DIAPH2: variants seen among roughly 807,000 people sequenced by gnomAD.
DIAPH2 encodes the protein diaphanous related formin 2, also known as protein diaphanous homolog 2.
In DIAPH2, 35 loss-of-function variants were observed where a neutral mutation model predicts 92.7. The ratio of observed to expected loss-of-function variants is 0.38; its 90% CI spans 0.29 to 0.50. The LOEUF (loss-of-function observed/expected upper bound fraction) is 0.50. Among genes scored for constraint, DIAPH2 ranks in the 20% least tolerant of loss-of-function variants. The pLI is 0.94. For synonymous variants in DIAPH2, 301 were observed against 280.4 expected, an observed-to-expected ratio of 1.07 and a Z score of -0.73; for missense variants, 701 against 819.5, an observed-to-expected ratio of 0.86 and a Z score of 1.77.
intron 17 of DIAPH2, among the ~76,000 whole-genome samples, chrX:97,038,280 T>C (rs148317629): frequency 0.021 from 2,310 of 111,554 alleles, 57 homozygotes; most frequent in African/African-American, 0.07. Context: ...GGCACTTAGG[T>C]TGGTTACATA....
intron 26 of DIAPH2, among the ~76,000 whole-genome samples, chrX:97,515,178 A>G (rs776532251): frequency 1.2e-3 from 129 of 111,782 alleles, no homozygotes; most frequent in African/African-American, 3.6e-3. Flanking sequence ...TGGGCGTAGG[A>G]CCCTCCGAGC....
chrX:97,494,925 G>A (rs758481118), intron 26 of DIAPH2, among the ~76,000 whole-genome samples: 63 of 112,472 alleles, frequency 5.6e-4, no homozygotes, highest in Middle Eastern at 4.6e-3. Context: ...GCTCACCACA[G>A]TAAGCTGCCT....
intron 26 of DIAPH2, among the ~76,000 whole-genome samples, chrX:97,476,968 A>ATATATATAT (rs1374547099): frequency 3.0e-5 from 1 of 33,600 alleles, no homozygotes; most frequent in African/African-American, 1.1e-4. Context: ...AAAAAAAAAA[A>ATATATATAT]ATATATATAT....
chrX:96,962,394 CATAT>C (rs1411701352), intron 16 of DIAPH2, among the ~76,000 whole-genome samples: 1 of 55,610 alleles, frequency 1.8e-5, no homozygotes, highest in Non-Finnish European at 3.1e-5. Flanking sequence ...TATATATACA[CATAT>C]ATATACACAT....
At chrX:97,551,534 G>A (rs1438338951) in intron 26 of DIAPH2, among the ~76,000 whole-genome samples, 5 of 107,755 alleles carry the variant, frequency 4.6e-5, no homozygotes, top group African/African-American at 1.7e-4. Context: ...AGGTTGTAGT[G>A]AGCCGAGATC....
intron 22 of DIAPH2, among the ~76,000 whole-genome samples, chrX:97,244,219 C>G (rs1294475389): frequency 9.0e-6 from 1 of 111,690 alleles, no homozygotes; most frequent in Non-Finnish European, 1.9e-5. Context: ...TTGATTTATT[C>G]AGAATGCAAC....
intron 22 of DIAPH2, among the ~76,000 whole-genome samples, chrX:97,188,740 A>G (rs1467187759): frequency 8.9e-6 from 1 of 112,484 alleles, no homozygotes; most frequent in East Asian, 2.8e-4. Context: ...TAGATTTACA[A>G]TGCAATAGAG....
intron 22 of DIAPH2, among the ~76,000 whole-genome samples, chrX:97,145,331 A>G (rs201374959): frequency 1.1e-5 from 1 of 87,424 alleles, no homozygotes; most frequent in Non-Finnish European, 2.4e-5. Flanking sequence ...TAGTGGTAGT[A>G]GTAGTAGTAT....
At chrX:97,240,924 T>G (rs765042726) in intron 22 of DIAPH2, among the ~76,000 whole-genome samples, 35 of 111,863 alleles carry the variant, frequency 3.1e-4, no homozygotes, top group African/African-American at 1.1e-3. Context: ...AGCTAAGTCA[T>G]TGGCTTAAGA....
At chrX:97,497,467 A>G (rs1348460541) in intron 26 of DIAPH2, among the ~76,000 whole-genome samples, 1 of 103,933 alleles carries the variant, frequency 9.6e-6, no homozygotes, top group African/African-American at 3.6e-5. Flanking sequence ...TTTTTACCAC[A>G]TTCTCTTTGT....
At chrX:97,183,539 G>T (rs2067557182) in intron 22 of DIAPH2, among the ~76,000 whole-genome samples, 2 of 112,259 alleles carry the variant, frequency 1.8e-5, no homozygotes, top group African/African-American at 6.5e-5. Context: ...CTTTTCAAAA[G>T]TTTAACATTG....
chrX:97,098,040 T>C (rs150355933), intron 19 of DIAPH2, among the ~76,000 whole-genome samples: 2,054 of 111,097 alleles, frequency 0.018, 45 homozygotes, highest in African/African-American at 0.064. Context: ...ATAGGTGCCA[T>C]TGCAGGCCCA....
intron 25 of DIAPH2, among the ~76,000 whole-genome samples, chrX:97,410,755 C>T (rs762908112): frequency 1.8e-5 from 2 of 111,867 alleles, no homozygotes; most frequent in African/African-American, 6.5e-5. Flanking sequence ...CTACGTGATG[C>T]ATGCACAAGC....
At chrX:97,293,356 C>G (rs904633002) in intron 23 of DIAPH2, among the ~76,000 whole-genome samples, 7 of 106,134 alleles carry the variant, frequency 6.6e-5, no homozygotes, top group Admixed American at 4.1e-4. Flanking sequence ...AGGTTCAGGC[C>G]ATTCTCCTGC....
At chrX:97,179,712 T>C (rs2067523841) in intron 22 of DIAPH2, among the ~76,000 whole-genome samples, 1 of 111,820 alleles carries the variant, frequency 8.9e-6, no homozygotes, top group South Asian at 3.8e-4. Flanking sequence ...TTATATTCCT[T>C]TGGATATATG....
chrX:97,587,074 A>G (rs1172530144), intron 26 of DIAPH2, among the ~76,000 whole-genome samples: 2 of 112,364 alleles, frequency 1.8e-5, no homozygotes, highest in African/African-American at 6.5e-5. Context: ...GTATCCCTCT[A>G]GCACTGTGCC....
intron 23 of DIAPH2, among the ~76,000 whole-genome samples, chrX:97,330,217 A>C (rs989318800): frequency 9.3e-6 from 1 of 107,704 alleles, no homozygotes; most frequent in African/African-American, 3.4e-5. Context: ...CCTCTTAATA[A>C]ATTTTTGAAT....
chrX:97,177,735 C>T (rs2067504397), intron 22 of DIAPH2, among the ~76,000 whole-genome samples: 1 of 106,972 alleles, frequency 9.3e-6, no homozygotes, highest in African/African-American at 3.4e-5. Context: ...AACAAAAACC[C>T]TGCTAATTGG....
chrX:97,254,345 A>G (rs1460873725), intron 23 of DIAPH2, among the ~76,000 whole-genome samples: 1 of 110,442 alleles, frequency 9.1e-6, no homozygotes, highest in Non-Finnish European at 1.9e-5. Flanking sequence ...TACGAAAATT[A>G]GCTGGGTGTG....
Sources: allele counts gnomAD v4.1 joint callset (sites outside exome capture counted in the v4.1 genomes callset), GRCh38; gene constraint gnomAD v4.1.1; transcripts MANE v1.5; gene names NCBI Gene and HGNC (gene_info 2026-07-23, HGNC 2026-07-21).